Variants in WASF2 observed in about 807,000 individuals in gnomAD.
WASF2 encodes WASP family member 2, also known as actin-binding protein WASF2.
WASF2 carries 14 observed loss-of-function variants against 45.0 expected under a neutral mutation model. The ratio of observed to expected loss-of-function variants is 0.31; its 90% CI spans 0.21 to 0.49. The LOEUF is 0.49. Ranked by LOEUF, WASF2 falls within the 20% of genes least tolerant of loss-of-function variation. The pLI is 0.99. For synonymous variants in WASF2, 200 were observed against 236.3 expected (o/e 0.85, Z 1.41); for missense variants, 439 against 636.1 (o/e 0.69, Z 3.33).
At chr1:27,446,103 A>G (rs1169763573) in intron 1 of WASF2, among the ~76,000 whole-genome samples, 1 of 152,180 alleles carries the variant, frequency 6.6e-6, no homozygotes, top group East Asian at 1.9e-4. Flanking sequence ...CTCATTAAAT[A>G]TAATCCAATT....
chr1:27,448,135 G>A (rs2017334685), intron 1 of WASF2, among the ~76,000 whole-genome samples: 1 of 152,184 alleles, frequency 6.6e-6, no homozygotes, highest in Admixed American at 6.5e-5. Context: ...CCTTTTTTGA[G>A]CCTTAGGGGC....
At chr1:27,408,597 TA>T (rs1225967387) in intron 8 of WASF2, among the ~76,000 whole-genome samples, 3 of 152,204 alleles carry the variant, frequency 2.0e-5, no homozygotes, top group African/African-American at 7.2e-5. Flanking sequence ...GGACTTCTCA[TA>T]AGGCTTTGAA....
At chr1:27,426,742 TC>T (rs2016986861) in intron 2 of WASF2, among the ~76,000 whole-genome samples, 1 of 151,896 alleles carries the variant, frequency 6.6e-6, no homozygotes, top group African/African-American at 2.4e-5. Context: ...ACTCCTGACC[TC>T]AAGTGATCCA....
At chr1:27,451,235 G>T (rs2017380091) in intron 1 of WASF2, among the ~76,000 whole-genome samples, 1 of 152,142 alleles carries the variant, frequency 6.6e-6, no homozygotes, top group Non-Finnish European at 1.5e-5. Flanking sequence ...ATAATACTCT[G>T]GTAAGTGTGA....
intron 1 of WASF2, among the ~76,000 whole-genome samples, chr1:27,442,612 A>C (rs1245349392): frequency 6.6e-6 from 1 of 151,160 alleles, no homozygotes; most frequent in Non-Finnish European, 1.5e-5. Flanking sequence ...TAATCACAGC[A>C]CTCTGGGAGG....
rs780474007 is a variant in WASF2 at position 27,409,997 on chromosome 1, C to T, written c.1034G>A (p.Gly345Glu). 6.2e-7 allele frequency: 1 copy of T among 1,613,308 alleles called. No homozygotes were observed. The highest frequency in any genetic ancestry group is 1.1e-5 in the South Asian group (1 of 90,962). ...PPPPVGFGSP[G>E]TPPPPSPPSF... is the part of the protein sequence containing the mutation. Reference sequence around the variant, plus strand: ...TGGGGGTGAGGGTGGTGGAGGCGTCCCTGGAGACCCAAATCCTACAGGCGG... The same window carrying T: ...TGGGGGTGAGGGTGGTGGAGGCGTCTCTGGAGACCCAAATCCTACAGGCGG... The change falls in exon 8 of 9, where the codon GGG (glycine) becomes GAG (glutamate). Residue 345 changes from glycine (G) to glutamate (E), a missense_variant. Around this residue, in one of 5 missense-constraint regions of WASF2, gnomAD observed 286 missense variants for 373.5 expected, o/e 0.77. Coordinates refer to ENST00000618852, the MANE Select transcript of WASF2 (RefSeq NM_006990.5).
Position 27,442,585 on chromosome 1 carries a change from G to A in WASF2, c.-43-13652C>T, listed in dbSNP as rs540735277. Among the ~76,000 whole-genome samples the A allele has an allele frequency of 3.8e-4, 57 of 151,928 alleles. 1 individual carries two copies. The South Asian group carries it at 9.8e-3, about 26-fold the overall frequency. Reference sequence around the variant, plus strand: ...AATTAAAAATAAAAATAGGCCAGGCGTGGTGCCTCATGCCTATAATCACAG... The same window carrying A: ...AATTAAAAATAAAAATAGGCCAGGCATGGTGCCTCATGCCTATAATCACAG... On this transcript the variant is annotated intron_variant, in intron 1 of 8. Coordinates refer to ENST00000618852, the MANE Select transcript of WASF2 (RefSeq NM_006990.5).
At chr1:27,473,830 G>T (rs1476816572) in intron 1 of WASF2, among the ~76,000 whole-genome samples, 1 of 152,174 alleles carries the variant, frequency 6.6e-6, no homozygotes, top group Non-Finnish European at 1.5e-5. Context: ...CCAGTTCAGG[G>T]TCATGGGTGG....
intron 1 of WASF2, among the ~76,000 whole-genome samples, chr1:27,472,588 T>G (rs1344827764): frequency 6.9e-6 from 1 of 144,100 alleles, no homozygotes; most frequent in Non-Finnish European, 1.5e-5. Context: ...GAGCTGAGAT[T>G]TCACGACTGC....
chr1:27,476,231 A>G (rs2017765279), intron 1 of WASF2, among the ~76,000 whole-genome samples: 1 of 152,230 alleles, frequency 6.6e-6, no homozygotes, highest in Non-Finnish European at 1.5e-5. Flanking sequence ...TTGCATTGCT[A>G]TAAAGAAATA....
At chr1:27,441,268 G>A (rs2017223953) in intron 1 of WASF2, among the ~76,000 whole-genome samples, 1 of 152,082 alleles carries the variant, frequency 6.6e-6, no homozygotes, top group African/African-American at 2.4e-5. Context: ...CAAGGTGGGA[G>A]GATCACTTGA....
chr1:27,443,027 G>T (rs998573790), intron 1 of WASF2, among the ~76,000 whole-genome samples: 3 of 150,254 alleles, frequency 2.0e-5, no homozygotes, highest in African/African-American at 7.4e-5. Context: ...AGCCAGGCAC[G>T]GTGCCGAAAA....
chr1:27,416,184 T>C, intron 4 of WASF2, 82 bp from the exon 5 acceptor site: 2 of 1,180,760 alleles, frequency 1.7e-6, no homozygotes, highest in Non-Finnish European at 2.5e-6. Context: ...ACCTACCAGT[T>C]AGCAGTTTTT....
At chr1:27,459,174 G>A (rs2017513437) in intron 1 of WASF2, 1 of 151,946 alleles carries the variant, frequency 6.6e-6, no homozygotes, top group Non-Finnish European at 1.5e-5. Flanking sequence ...ATTTTTTGTT[G>A]TTGTTGAGAC....
At position 27,468,921 on chromosome 1, in the gene WASF2, CAA is replaced by C. The variant is rs71010356; in HGVS notation, c.-44+21063_-44+21064del. On this transcript the variant is annotated intron_variant, in intron 1 of 8. Transcript: ENST00000618852. Reference sequence around the variant, plus strand: ...CTGGCAACAGAGTGGGACTCTGTCTCAAAAAAAAAAAAAAAAAAAGGAGACAT... The same window carrying C: ...CTGGCAACAGAGTGGGACTCTGTCTCAAAAAAAAAAAAAAAAAGGAGACAT... Among the ~76,000 whole-genome samples, 384 of 77,770 alleles carry C rather than the reference CAA, an allele frequency of 4.9e-3. 3 individuals are homozygous for C. The highest frequency in any genetic ancestry group is 0.014 in the African/African-American group (344 of 24,692). The allele number at this position is 77,770 out of a possible 152,430, so 51.0% of individuals were successfully genotyped here.
chr1:27,489,081 G>A lies in WASF2; in HGVS notation c.-44+905C>T, dbSNP rs371528435. 2.2e-4 allele frequency among the ~76,000 whole-genome samples: 33 copies of A among 151,984 alleles called. No homozygotes were observed. The South Asian group carries it at 6.0e-3, about 28-fold the overall frequency. On this transcript the variant is annotated intron_variant, in intron 1 of 8. Coordinates refer to ENST00000618852, the MANE Select transcript of WASF2 (RefSeq NM_006990.5). ...CTCCAAGGAGTCCTTCCTCTTCTCC[G>A]GTTCTATGGACAACCATATTAAAAC...
chr1:27,412,755 G>GTC (rs2016781736), intron 6 of WASF2, 28 bp from the exon 7 acceptor site: 1 of 1,612,946 alleles, frequency 6.2e-7, no homozygotes, highest in African/African-American at 1.3e-5. Context: ...GCCAAAAACT[G>GTC]TCATTTAAAG....
chr1:27,429,005 T>A, intron 1 of WASF2, 72 bp from the exon 2 acceptor site: 1 of 1,089,564 alleles, frequency 9.2e-7, no homozygotes, highest in Non-Finnish European at 1.2e-6. Context: ...GTGAATCTTT[T>A]TTTTTTTTTT....
chr1:27,484,490 A>AT (rs1305354813), intron 1 of WASF2, among the ~76,000 whole-genome samples: 1 of 152,258 alleles, frequency 6.6e-6, no homozygotes, highest in Non-Finnish European at 1.5e-5. Context: ...CCCAAATCCC[A>AT]TTGACAGTTT....
Sources: gnomAD v4.1 joint callset for allele counts (sites outside exome capture counted in the v4.1 genomes callset) on GRCh38, gnomAD v4.1.1 for gene constraint, gnomAD v4.1.1 regional missense constraint, MANE v1.5 for transcripts, NCBI Gene and HGNC (gene_info 2026-07-23, HGNC 2026-07-21) for gene names.